Variants in SNRNP48 observed in about 807,000 individuals in gnomAD.
SNRNP48 encodes the protein U11/U12 small nuclear ribonucleoprotein 48 kDa protein.
In SNRNP48, 43 loss-of-function variants were observed where a neutral mutation model predicts 47.0. That is an observed-to-expected ratio of 0.92 (90% CI 0.72 to 1.18). SNRNP48 has a LOEUF of 1.18. SNRNP48 is among the 50% of genes most tolerant of loss of function. SNRNP48 has a pLI of 0.00. For synonymous variants in SNRNP48, 138 were observed against 144.0 expected (o/e 0.96, Z 0.30); for missense variants, 396 against 422.2 (o/e 0.94, Z 0.54).
At chr6:7,595,146 A>G in intron 4 of SNRNP48, 45 bp downstream of exon 4, 2 of 1,453,472 alleles carry the variant, frequency 1.4e-6, no homozygotes, top group East Asian at 2.5e-5. Flanking sequence ...TGAAATTATT[A>G]TTTTTCTCAT....
Position 7,608,870 on chromosome 6 carries a change from A to G in SNRNP48, c.1017A>G (p.Ile339Met), listed in dbSNP as rs1026491130. Residue 339 changes from isoleucine to methionine, a missense_variant, in exon 9 of 9, where the codon ATA (isoleucine) becomes ATG (methionine). By Grantham distance (10) the Ile-to-Met change is conservative. Transcript: ENST00000342415. ...GTCATAAAAGAAGAAAGCAAAAAAT[A>G]TAAATGAAGTACTTGTACCTATATT... ...HHSHKRRKQK[I>M] 4 of 1,501,228 alleles carry G rather than the reference A, an allele frequency of 2.7e-6. No homozygotes were observed. The African/African-American group carries it at 5.6e-5, about 21-fold the overall frequency. The allele number at this position is 1,501,228 out of a possible 1,614,324, so 93.0% of individuals were successfully genotyped here. A position where few individuals can be genotyped will look rare whatever the true frequency, so the allele number is the denominator to read the frequency against.
chr6:7,603,391 ACT>A (rs1319276531), intron 6 of SNRNP48, among the ~76,000 whole-genome samples: 2 of 151,934 alleles, frequency 1.3e-5, no homozygotes, highest in East Asian at 3.9e-4. Context: ...CCTTGCCCAG[ACT>A]CTACAAATAA....
intron 6 of SNRNP48, among the ~76,000 whole-genome samples, chr6:7,603,785 T>C (rs1013838165): frequency 6.6e-6 from 1 of 152,242 alleles, no homozygotes; most frequent in African/African-American, 2.4e-5. Flanking sequence ...AGTAGAGACC[T>C]GGGTCCCTGT....
At position 7,602,621 on chromosome 6, in the gene SNRNP48, A is replaced by G. The variant is rs1403130332; in HGVS notation, c.596-2A>G. 5.1e-6 allele frequency: 8 copies of G among 1,576,572 alleles called. No individual in the cohort carries two copies. The highest frequency in any genetic ancestry group is 6.0e-6 in the Non-Finnish European group (7 of 1,165,792). On this transcript the variant is annotated splice_acceptor_variant, in intron 5 of 8. Transcript: ENST00000342415. LOFTEE classifies it high-confidence loss of function. ...AATACTTTTATTTTATTCTTTCATT[A>G]GACAATAGTCGAAAAAGTCCAAAAT...
chr6:7,602,884 A>G (rs530990537), intron 6 of SNRNP48, 140 bp downstream of exon 6: 2 of 645,644 alleles, frequency 3.1e-6, no homozygotes, highest in East Asian at 6.0e-5. Flanking sequence ...CTGTTCCATC[A>G]CTTCTAGATC....
intron 1 of SNRNP48, among the ~76,000 whole-genome samples, chr6:7,592,611 A>G (rs1156941390): frequency 1.3e-5 from 2 of 152,110 alleles, no homozygotes; most frequent in Non-Finnish European, 2.9e-5. Context: ...ATAATAGAAA[A>G]TGAGGCAAAG....
At chr6:7,604,454 A>C (rs892774830) in intron 6 of SNRNP48, among the ~76,000 whole-genome samples, 1 of 152,314 alleles carries the variant, frequency 6.6e-6, no homozygotes, top group East Asian at 1.9e-4. Context: ...GCTAAGTTCT[A>C]TCTTATGTAG....
intron 4 of SNRNP48, chr6:7,601,123 ATAATACATTTTT>A (rs1760010685): frequency 2.5e-6 from 1 of 399,698 alleles, no homozygotes; most frequent in East Asian, 4.3e-5. Context: ...GCAAACATCC[ATAATACATTTTT>A]TTTTTTTTTG....
At chr6:7,607,306 A>G (rs2113724387) in intron 8 of SNRNP48, among the ~76,000 whole-genome samples, 1 of 152,320 alleles carries the variant, frequency 6.6e-6, no homozygotes, top group Non-Finnish European at 1.5e-5. Flanking sequence ...CAACAAAGTG[A>G]GACCCTGTCT....
intron 4 of SNRNP48, among the ~76,000 whole-genome samples, chr6:7,597,049 TA>T (rs1449568498): frequency 6.6e-6 from 1 of 152,236 alleles, no homozygotes; most frequent in African/African-American, 2.4e-5. Context: ...TTTTATTTTT[TA>T]AAAGGTTATT....
rs973135009 is a variant in SNRNP48, at chr6:7,599,538, T to G, written c.407-1798T>G. On this transcript the variant is annotated intron_variant, in intron 4 of 8. Transcript: ENST00000342415. ...CTTTAAATCATTTAAAAACATGCATTTTGAAAATTTACATTTTATGTAAAT... is the reference window on the plus strand; with the variant it reads ...CTTTAAATCATTTAAAAACATGCATGTTGAAAATTTACATTTTATGTAAAT... 9.4e-6 allele frequency: 4 copies of G among 426,248 alleles called. No individual in the cohort carries two copies. The Admixed American group carries it at 1.7e-4, about 19-fold the overall frequency. 26.4% of individuals were successfully genotyped at this position (426,248 alleles called of 1,614,324 possible).
At chr6:7,599,425 G>A (rs183111188) in intron 4 of SNRNP48, among the ~76,000 whole-genome samples, 1 of 152,228 alleles carries the variant, frequency 6.6e-6, no homozygotes, top group African/African-American at 2.4e-5. Context: ...TAAATTTTAT[G>A]TTATATATAT....
rs1404810398 is a variant in SNRNP48 at position 7,610,499 on chromosome 6, T to A, written c.*1626T>A. ...TCAAAACTACTTGAATCATCAGGAA[T>A]TTCATATTTTTCATATTGTGTGACA... On this transcript the variant is annotated 3_prime_UTR_variant, in exon 9 of 9. Coordinates refer to ENST00000342415, the MANE Select transcript of SNRNP48 (RefSeq NM_152551.4). 3.3e-5 allele frequency: 5 copies of A among 152,216 alleles called. No homozygotes were observed. Among genetic ancestry groups the A allele is most frequent in the Non-Finnish European group, 7.3e-5 (5 of 68,032 alleles). 9.4% of individuals were successfully genotyped at this position (152,216 alleles called of 1,614,324 possible). A position where few individuals can be genotyped will look rare whatever the true frequency, so the allele number is the denominator to read the frequency against.
intron 1 of SNRNP48, among the ~76,000 whole-genome samples, chr6:7,591,888 TGTTCCTAGTTGTCACCTA>T (rs1037591108): frequency 5.9e-5 from 9 of 152,250 alleles, no homozygotes; most frequent in Admixed American, 5.9e-4. Flanking sequence ...AGTTGTCATC[TGTTCCTAGTTGTCACCTA>T]GTTCCTAGTC....
At chr6:7,604,232 G>A (rs1289048715) in intron 6 of SNRNP48, among the ~76,000 whole-genome samples, 1 of 152,224 alleles carries the variant, frequency 6.6e-6, no homozygotes, top group Non-Finnish European at 1.5e-5. Context: ...TGAGATAGGT[G>A]TGTGTGACTC....
At chr6:7,604,436 G>A (rs1760088156) in intron 6 of SNRNP48, among the ~76,000 whole-genome samples, 1 of 152,220 alleles carries the variant, frequency 6.6e-6, no homozygotes, top group South Asian at 2.1e-4. Context: ...TCTCTGTTGA[G>A]AGATGAGGCT....
At chr6:7,605,117 T>C (rs1760101589) in intron 6 of SNRNP48, among the ~76,000 whole-genome samples, 1 of 152,198 alleles carries the variant, frequency 6.6e-6, no homozygotes, top group African/African-American at 2.4e-5. Flanking sequence ...TAACCCTTTA[T>C]CCCCAGTATG....
chr6:7,597,247 G>A (rs1315135794), intron 4 of SNRNP48, among the ~76,000 whole-genome samples: 1 of 152,156 alleles, frequency 6.6e-6, no homozygotes, highest in Non-Finnish European at 1.5e-5. Flanking sequence ...TCTGAACTGA[G>A]TTGTTTGATT....
At chr6:7,591,102 G>A (rs554982364) in intron 1 of SNRNP48, among the ~76,000 whole-genome samples, 120 of 152,298 alleles carry the variant, frequency 7.9e-4, no homozygotes, top group African/African-American at 2.8e-3. Context: ...GGTTTGCATT[G>A]TCATCTGTCA....
Sources: allele counts gnomAD v4.1 joint callset (sites outside exome capture counted in the v4.1 genomes callset), GRCh38; gene constraint gnomAD v4.1.1; transcripts MANE v1.5; gene names NCBI Gene and HGNC (gene_info 2026-07-23, HGNC 2026-07-21).